C7orf57: variants seen among roughly 807,000 people sequenced by gnomAD.
C7orf57 encodes the protein chromosome 7 open reading frame 57.
C7orf57 carries 33 observed loss-of-function variants against 39.0 expected under a neutral mutation model. The observed-to-expected ratio is 0.85, with a 90% CI of 0.64 to 1.13. The LOEUF is 1.13. C7orf57 is among the 50% of genes most tolerant of loss of function. C7orf57 has a pLI of 0.00. For missense variants in C7orf57, 346 were observed against 362.3 expected, an observed-to-expected ratio of 0.95 and a Z score of 0.37; for synonymous variants, 124 against 137.1, an observed-to-expected ratio of 0.90 and a Z score of 0.67.
Position 48,036,321 on chromosome 7 carries a change from A to T in C7orf57, c.13A>T (p.Ser5Cys). 6.3e-7 allele frequency: 1 copy of T among 1,590,324 alleles called. No individual in the cohort carries two copies. Among genetic ancestry groups the T allele is most frequent in the South Asian group, 1.1e-5 (1 of 87,322 alleles). MRNT[S>C]KELQGATHRY... The stretch of plus-strand genomic sequence containing the variant: ...GCAGCGCCTGACCATGAGGAACACA[A>T]GCAAGGAACTTCAGGGCGCCACGCA... Residue 5 changes from serine to cysteine, a missense_variant, in exon 2 of 9, where the codon AGC becomes TGC. Coordinates refer to ENST00000348904, the MANE Select transcript of C7orf57 (RefSeq NM_001100159.3).
Position 48,060,554 on chromosome 7 carries a change from G to T in C7orf57, c.*282G>T. The T allele has an allele frequency of 4.0e-6, 1 of 251,348 alleles. No individual in the cohort carries two copies. Among genetic ancestry groups the T allele is most frequent in the Non-Finnish European group, 7.7e-6 (1 of 130,460 alleles). The allele number at this position is 251,348 out of a possible 1,614,324, so 15.6% of individuals were successfully genotyped here. A position where few individuals can be genotyped will look rare whatever the true frequency, so the allele number is the denominator to read the frequency against. ...GGTGATGTCCCAGTGTCTCAGAACT[G>T]ATCACTTGCTCCTCCTATTGTGTGA... On this transcript the variant is annotated 3_prime_UTR_variant, in exon 9 of 9. Transcript: ENST00000348904.
intron 6 of C7orf57, among the ~76,000 whole-genome samples, chr7:48,051,817 C>CTCTCTCTT (rs1790924510): frequency 3.9e-5 from 2 of 51,150 alleles, no homozygotes; most frequent in African/African-American, 7.1e-5. Flanking sequence ...CTTTTCTCTT[C>CTCTCTCTT]TCTTTCTTTC....
chr7:48,050,612 G>A (rs1186933652), intron 6 of C7orf57, among the ~76,000 whole-genome samples: 1 of 152,154 alleles, frequency 6.6e-6, no homozygotes, highest in African/African-American at 2.4e-5. Context: ...TGCCATGAGA[G>A]CACCAAGCTC....
rs1790332848 is a variant in C7orf57 at position 48,035,729 on chromosome 7, C to T, written c.-102+99C>T. The T allele has an allele frequency of 1.7e-6, 1 of 587,390 alleles. No homozygotes were observed. The highest frequency in any genetic ancestry group is 2.0e-5 in the South Asian group (1 of 50,474). The allele number at this position is 587,390 out of a possible 1,614,324, so 36.4% of individuals were successfully genotyped here. A position where few individuals can be genotyped will look rare whatever the true frequency, so the allele number is the denominator to read the frequency against. ...GCAGTGCGGGCAGTGCGCGCCGGGG[C>T]TGGAGGGAGGGGACCACCTTGTCGC... On this transcript the variant is annotated intron_variant, in intron 1 of 8. Coordinates refer to ENST00000348904, the MANE Select transcript of C7orf57 (RefSeq NM_001100159.3). The surrounding 1 kb of genome is among the most constrained non-coding windows in gnomAD (Gnocchi z 4.0).
At position 48,046,445 on chromosome 7, in the gene C7orf57, T is replaced by C. The variant is rs1450487702; in HGVS notation, c.351-15T>C. Reference sequence around the variant, plus strand: ...GCTCTGAGCACCAGGCTGTAACTGGTGTCTGTCCTTGCAGAGTGCGGGCTG... The same window carrying C: ...GCTCTGAGCACCAGGCTGTAACTGGCGTCTGTCCTTGCAGAGTGCGGGCTG... On this transcript the variant is annotated splice_polypyrimidine_tract_variant and intron_variant, in intron 4 of 8. Transcript: ENST00000348904. 6 of 1,608,862 alleles carry C rather than the reference T, an allele frequency of 3.7e-6. No individual in the cohort carries two copies. The South Asian group carries it at 5.5e-5, about 15-fold the overall frequency.
chr7:48,050,571 AAAAC>A (rs1175076327), intron 6 of C7orf57, among the ~76,000 whole-genome samples: 1 of 152,216 alleles, frequency 6.6e-6, no homozygotes, highest in African/African-American at 2.4e-5. Flanking sequence ...CAATGGGGAA[AAAAC>A]AATCAGATAC....
At chr7:48,036,509 A>G (rs1398284845) in intron 2 of C7orf57, 146 bp downstream of exon 2, 6 of 717,624 alleles carry the variant, frequency 8.4e-6, no homozygotes, top group African/African-American at 3.7e-5. Context: ...TAACAAGTCA[A>G]AGAAAGCCAC....
In C7orf57 at chr7:48,051,699, TTC is replaced by T. The variant is rs978706093; in HGVS notation, c.606-988_606-987del. 6.6e-4 allele frequency among the ~76,000 whole-genome samples: 87 copies of T among 132,046 alleles called. 5 individuals carry two copies. The highest frequency in any genetic ancestry group is 1.4e-3 in the Admixed American group (18 of 12,916). 86.6% of individuals were successfully genotyped at this position (132,046 alleles called of 152,430 possible). On this transcript the variant is annotated intron_variant, in intron 6 of 8. Transcript: ENST00000348904. Reference sequence around the variant, plus strand: ...TCCTTCCTTCCTTCCCTTTCTTTCTTTCTCTCTCTCTCTCCTTTCTTTCTTTC... The same window carrying T: ...TCCTTCCTTCCTTCCCTTTCTTTCTTTCTCTCTCTCTCCTTTCTTTCTTTC...
chr7:48,043,386 A>C (rs1397939096), intron 3 of C7orf57, 95 bp from the exon 4 acceptor site: 3 of 875,840 alleles, frequency 3.4e-6, no homozygotes, highest in African/African-American at 1.7e-5. Context: ...GGAGACCTAC[A>C]GTTCGCCTTG....
chr7:48,059,504 C>T (rs1791228406), intron 8 of C7orf57, among the ~76,000 whole-genome samples: 1 of 152,160 alleles, frequency 6.6e-6, no homozygotes, highest in Admixed American at 6.5e-5. Flanking sequence ...GTGCATGCCA[C>T]CATGCCTGGC....
At chr7:48,056,486 CT>C (rs1196360837) in intron 8 of C7orf57, among the ~76,000 whole-genome samples, 3 of 151,954 alleles carry the variant, frequency 2.0e-5, no homozygotes, top group Non-Finnish European at 4.4e-5. Flanking sequence ...GTTACTTGGG[CT>C]TTTGGTGTTC....
At chr7:48,059,939 G>A (rs1791243713) in intron 8 of C7orf57, among the ~76,000 whole-genome samples, 1 of 152,046 alleles carries the variant, frequency 6.6e-6, no homozygotes, top group Non-Finnish European at 1.5e-5. Context: ...AATTCTTATC[G>A]GTGTGCTTAT....
intron 6 of C7orf57, among the ~76,000 whole-genome samples, chr7:48,051,750 TTTTCTTTCTTTCTTTCTTTC>T (rs368758672): frequency 5.3e-4 from 29 of 54,622 alleles, no homozygotes; most frequent in African/African-American, 1.0e-3. Context: ...TTTCTTTTTC[TTTTCTTTCTTTCTTTCTTTC>T]TTTCTTTCTT....
chr7:48,045,001 C>CT (rs1228005979), intron 4 of C7orf57, among the ~76,000 whole-genome samples: 1 of 152,204 alleles, frequency 6.6e-6, no homozygotes, highest in African/African-American at 2.4e-5. Flanking sequence ...TCCCTTCCTT[C>CT]TGCTTTTTTT....
rs201149144 is a variant in C7orf57 at position 48,046,465 on chromosome 7, G to A, written c.356G>A (p.Arg119Gln). Residue 119 changes from arginine to glutamine, a missense_variant, in exon 5 of 9, where the codon CGG becomes CAG. Transcript: ENST00000348904. ...ACTGGTGTCTGTCCTTGCAGAGTGC[G>A]GGCTGTCTCCATGCCGGATTACATG... ...KPPTASQQEV[R>Q]AVSMPDYMVH... 44 of 1,613,140 alleles carry A rather than the reference G, an allele frequency of 2.7e-5. No individual in the cohort carries two copies. In the Admixed American group the frequency reaches 4.3e-4, roughly 16 times the overall value.
At chr7:48,039,173 A>G (rs978073479) in intron 2 of C7orf57, among the ~76,000 whole-genome samples, 1 of 152,202 alleles carries the variant, frequency 6.6e-6, no homozygotes, top group South Asian at 2.1e-4. Context: ...TCCCCACAAG[A>G]GACAGCTTTG....
intron 8 of C7orf57, 39 bp from the exon 9 acceptor site, chr7:48,060,187 G>A: frequency 2.2e-6 from 3 of 1,342,546 alleles, no homozygotes; most frequent in South Asian, 2.9e-5. Flanking sequence ...TATAGAAAAT[G>A]TCATCTTTGT....
In C7orf57 at chr7:48,035,890, G is replaced by A. The variant is rs913246251; in HGVS notation, c.-102+260G>A. 6.6e-6 allele frequency among the ~76,000 whole-genome samples: 1 copy of A among 151,646 alleles called. No individual in the cohort carries two copies. The highest frequency in any genetic ancestry group is 2.4e-5 in the African/African-American group (1 of 41,220). ...GCCTGTACTGGATACCCGGCGTGAC[G>A]TGCCCCCTCTGTGTGCCCCGCACGC... On this transcript the variant is annotated intron_variant, in intron 1 of 8. Transcript: ENST00000348904. This position sits in a 1 kb window ranked among gnomAD's most constrained non-coding sequence, Gnocchi z 4.0.
chr7:48,051,817 C>CTCTTCTCTTTCTTTCTTTCTTTCTT, intron 6 of C7orf57, among the ~76,000 whole-genome samples: 1 of 51,178 alleles, frequency 2.0e-5, no homozygotes, highest in South Asian at 8.1e-4. Flanking sequence ...CTTTTCTCTT[C>CTCTTCTCTTTCTTTCTTTCTTTCTT]TCTTTCTTTC....
Sources: gnomAD v4.1 joint callset for allele counts (sites outside exome capture counted in the v4.1 genomes callset) on GRCh38, gnomAD v4.1.1 for gene constraint, Gnocchi (gnomAD v3.1) non-coding constraint, MANE v1.5 for transcripts, NCBI Gene and HGNC (gene_info 2026-07-23, HGNC 2026-07-21) for gene names.